CDIPT: variants seen among roughly 807,000 people sequenced by gnomAD.
The protein encoded by CDIPT is CDP-diacylglycerol--inositol 3-phosphatidyltransferase.
A neutral mutation model predicts 21.6 loss-of-function variants in CDIPT; 17 were observed. The ratio of observed to expected loss-of-function variants is 0.79; its 90% CI spans 0.54 to 1.18. The LOEUF (loss-of-function observed/expected upper bound fraction) is 1.18, where lower values mean the gene tolerates loss of function less well. Among genes scored for constraint, CDIPT ranks in the 50% most tolerant of loss-of-function variants. The probability of loss-of-function intolerance (pLI) is 0.00; values close to 1 mark genes in which losing one functional copy is unlikely to be tolerated. For missense variants in CDIPT, 254 were observed against 284.9 expected (o/e 0.89, Z 0.78); for synonymous variants, 119 against 117.9 (o/e 1.01, Z -0.06).
chr16:29,861,434 C>T, intron 2 of CDIPT, 175 bp from the exon 3 acceptor site: 1 of 1,539,720 alleles, frequency 6.5e-7, no homozygotes, highest in Non-Finnish European at 8.7e-7. Context: ...CAAAGGTCAC[C>T]ATGGCATGAA....
chr16:29,859,260 C>G lies in CDIPT; in HGVS notation c.571G>C (p.Val191Leu). The G allele has an allele frequency of 6.3e-7, 1 of 1,588,156 alleles. No individual in the cohort carries two copies. The change falls in exon 6 of 6, where the codon GTC becomes CTC. Residue 191 changes from valine to leucine, a missense_variant. Physicochemically the swap from Val to Leu is conservative, Grantham distance 32. Transcript: ENST00000219789. This position sits in a 1 kb window ranked among gnomAD's most constrained non-coding sequence, Gnocchi z 4.5. ...CGGGCGGCCGTGATCAGGTGGATGA[C>G]GCTGATGAGCGACTTCAGCAAGGCG... is the stretch of plus-strand genomic sequence containing the variant. Reference protein sequence around the residue: ...PIALLKSLISVIHLITAARNM... With the variant: ...PIALLKSLISLIHLITAARNM...
intron 4 of CDIPT, 21 bp downstream of exon 4, chr16:29,860,558 TGG>T: frequency 6.7e-7 from 1 of 1,494,186 alleles, no homozygotes; most frequent in East Asian, 2.3e-5. Flanking sequence ...GCCTGAGGGG[TGG>T]GGTGTGCAGG....
In CDIPT at chr16:29,862,951, G is replaced by T; in HGVS notation, c.-94C>A. The T allele has an allele frequency of 7.0e-7, 1 of 1,438,136 alleles. No individual in the cohort carries two copies. Among genetic ancestry groups the T allele is most frequent in the Non-Finnish European group, 9.8e-7 (1 of 1,024,474 alleles). The allele number at this position is 1,438,136 out of a possible 1,614,324, so 89.1% of individuals were successfully genotyped here. A position where few individuals can be genotyped will look rare whatever the true frequency, so the allele number is the denominator to read the frequency against. On this transcript the variant is annotated 5_prime_UTR_variant, in exon 1 of 6. Coordinates refer to ENST00000219789, the MANE Select transcript of CDIPT (RefSeq NM_006319.5). The surrounding 1 kb of genome is among the most constrained non-coding windows in gnomAD (Gnocchi z 6.7). ...GCCTCAGCCTCCGGCCCGGCGCATC[G>T]GCCGCACCACCTGCGCCCTGGACCC...
chr16:29,862,864 G>T lies in CDIPT; in HGVS notation c.-7C>A, dbSNP rs1463887415. The T allele has an allele frequency of 6.2e-7, 1 of 1,613,332 alleles. No homozygotes were observed. ...AGATATTTTCGTCTGGCATCGCGGC[G>T]CCTCCCTTGCTGCCCCGGGCCTGCT... is the stretch of plus-strand genomic sequence containing the variant. On this transcript the variant is annotated 5_prime_UTR_variant, in exon 1 of 6. Coordinates refer to ENST00000219789, the MANE Select transcript of CDIPT (RefSeq NM_006319.5). The surrounding 1 kb of genome is among the most constrained non-coding windows in gnomAD (Gnocchi z 6.7).
At chr16:29,861,997 C>T (rs1191438105) in intron 2 of CDIPT, among the ~76,000 whole-genome samples, 1 of 152,172 alleles carries the variant, frequency 6.6e-6, no homozygotes, top group Non-Finnish European at 1.5e-5. Flanking sequence ...TCCCAAAGTG[C>T]TGGGATTACA....
chr16:29,859,302 A>G lies in CDIPT; in HGVS notation c.529T>C (p.Trp177Arg). 1 of 1,571,824 alleles carries G rather than the reference A, an allele frequency of 6.4e-7. No homozygotes were observed. The highest frequency in any genetic ancestry group is 8.6e-7 in the Non-Finnish European group (1 of 1,158,206). ...AGCAAGGCGATGGGGGCAGTGACCC[A>G]GAGGCCCATCCGGAACAGTCCCACA... ...GSVGLFRMGL[W>R]VTAPIALLKS... The change falls in exon 6 of 6, where the codon TGG becomes CGG. Residue 177 changes from tryptophan to arginine, a missense_variant. By Grantham distance (101) the Trp-to-Arg change is moderately radical. Transcript: ENST00000219789. The surrounding 1 kb of genome is among the most constrained non-coding windows in gnomAD (Gnocchi z 4.5).
In CDIPT at chr16:29,859,433, A is replaced by C; in HGVS notation, c.496+9T>G. On this transcript the variant is annotated intron_variant, in intron 5 of 5. Coordinates refer to ENST00000219789, the MANE Select transcript of CDIPT (RefSeq NM_006319.5). The surrounding 1 kb of genome is among the most constrained non-coding windows in gnomAD (Gnocchi z 4.5). ...CTCCCATCCTCCTGCCCAGCCCCTC[A>C]TCTCCTACCTAAAGGTCCCTCAGAG... 6.2e-7 allele frequency: 1 copy of C among 1,610,720 alleles called. No homozygotes were observed. Among genetic ancestry groups the C allele is most frequent in the Non-Finnish European group, 8.5e-7 (1 of 1,177,606 alleles).
intron 2 of CDIPT, chr16:29,861,475 G>A (rs765833258): frequency 5.3e-5 from 82 of 1,536,226 alleles, no homozygotes; most frequent in Non-Finnish European, 6.8e-5. Context: ...GAGGGAACAG[G>A]GTAGGAGGAG....
In CDIPT at chr16:29,858,432, G is replaced by T. The variant is rs534275311; in HGVS notation, c.*757C>A. ...TTGGTCTTACTCTAGGGATAGAGAA[G>T]AGAACAAGAAAAGTCTGTGCCTTCA... On this transcript the variant is annotated 3_prime_UTR_variant, in exon 6 of 6. Coordinates refer to ENST00000219789, the MANE Select transcript of CDIPT (RefSeq NM_006319.5). The T allele has an allele frequency of 6.6e-6, 1 of 152,308 alleles. No homozygotes were observed. Among genetic ancestry groups the T allele is most frequent in the African/African-American group, 2.4e-5 (1 of 41,562 alleles). The allele number at this position is 152,308 out of a possible 1,614,324, so 9.4% of individuals were successfully genotyped here. A position where few individuals can be genotyped will look rare whatever the true frequency, so the allele number is the denominator to read the frequency against.
In CDIPT at chr16:29,862,051, G is replaced by A. The variant is rs757633599; in HGVS notation, c.178+535C>T. Reference sequence around the variant, plus strand: ...TGGCCTGAATGGACTTGTATTCAGAGAGACCTCCAGCAGCGCCACCGCCAT... The same window carrying A: ...TGGCCTGAATGGACTTGTATTCAGAAAGACCTCCAGCAGCGCCACCGCCAT... On this transcript the variant is annotated intron_variant, in intron 2 of 5. Coordinates refer to ENST00000219789, the MANE Select transcript of CDIPT (RefSeq NM_006319.5). This position sits in a 1 kb window ranked among gnomAD's most constrained non-coding sequence, Gnocchi z 6.7. 6.6e-6 allele frequency among the ~76,000 whole-genome samples: 1 copy of A among 152,136 alleles called. No homozygotes were observed. Among genetic ancestry groups the A allele is most frequent in the Non-Finnish European group, 1.5e-5 (1 of 68,034 alleles).
In CDIPT at chr16:29,861,228, C is replaced by T; in HGVS notation, c.210G>A (p.Leu70=). 1 of 1,614,206 alleles carries T rather than the reference C, an allele frequency of 6.2e-7. No individual in the cohort carries two copies. The highest frequency in any genetic ancestry group is 1.1e-5 in the South Asian group (1 of 91,086). ...GGCACATGGTGGAGCAGCGGTCCGT[C>T]AGCATGTCCAGCATGGCCCCAAACC... ...GTRFGAMLDM[L]TDRCSTMCLL... is the part of the protein sequence containing the mutation. The change falls in exon 3 of 6, where the codon CTG becomes CTA. Residue 70 remains leucine, a synonymous_variant. Coordinates refer to ENST00000219789, the MANE Select transcript of CDIPT (RefSeq NM_006319.5).
At chr16:29,860,188 C>T (rs1384030578) in intron 4 of CDIPT, among the ~76,000 whole-genome samples, 1 of 152,040 alleles carries the variant, frequency 6.6e-6, no homozygotes, top group African/African-American at 2.4e-5. Context: ...TGGCCTCAAG[C>T]AATCCTCCCA....
rs559602272 is a variant in CDIPT, at chr16:29,861,827, G to A, written c.179-568C>T. Reference sequence around the variant, plus strand: ...TGGCTCACTGCAACCTCCGCCTCCCGGGTTCAAGCAATTCTCCTGCCTTAG... The same window carrying A: ...TGGCTCACTGCAACCTCCGCCTCCCAGGTTCAAGCAATTCTCCTGCCTTAG... On this transcript the variant is annotated intron_variant, in intron 2 of 5. Coordinates refer to ENST00000219789, the MANE Select transcript of CDIPT (RefSeq NM_006319.5). The A allele has an allele frequency of 4.6e-5, 13 of 280,072 alleles. 1 individual carries two copies. Among genetic ancestry groups the A allele is most frequent in the South Asian group, 4.0e-4 (9 of 22,546 alleles). The allele number at this position is 280,072 out of a possible 1,614,324, so 17.3% of individuals were successfully genotyped here.
Position 29,859,239 on chromosome 16 carries a change from C to T in CDIPT, c.592G>A (p.Ala198Thr), listed in dbSNP as rs776591731. The stretch of plus-strand genomic sequence containing the variant: ...GCGTCCAGGGCAGCCATGTTGCGGG[C>T]GGCCGTGATCAGGTGGATGACGCTG... ...LISVIHLITA[A>T]RNMAALDAAD... The change falls in exon 6 of 6, where the codon GCC (alanine) becomes ACC (threonine). Residue 198 changes from alanine to threonine, a missense_variant. By Grantham distance (58) the Ala-to-Thr change is moderately conservative. Transcript: ENST00000219789. The surrounding 1 kb of genome is among the most constrained non-coding windows in gnomAD (Gnocchi z 4.5). The T allele has an allele frequency of 4.4e-6, 7 of 1,595,220 alleles. No individual in the cohort carries two copies. Among genetic ancestry groups the T allele is most frequent in the Middle Eastern group, 1.7e-4 (1 of 6,032 alleles).
rs1310101662 is a variant in CDIPT, at chr16:29,862,689, A to G, written c.75T>C (p.Ser25=). Residue 25 remains serine, a synonymous_variant, in exon 2 of 6, where the codon TCT becomes TCC. Coordinates refer to ENST00000219789, the MANE Select transcript of CDIPT (RefSeq NM_006319.5). This position sits in a 1 kb window ranked among gnomAD's most constrained non-coding sequence, Gnocchi z 6.7. Reference sequence around the variant, plus strand: ...GGGGGCAGCAGGGCATGAAGTAGAAAGAAATGATGGCGAAGACAATCCGGG... The same window carrying G: ...GGGGGCAGCAGGGCATGAAGTAGAAGGAAATGATGGCGAAGACAATCCGGG... The part of the protein sequence containing the change: ...GYARIVFAII[S]FYFMPCCPLT... 7 of 1,614,134 alleles carry G rather than the reference A, an allele frequency of 4.3e-6. No individual in the cohort carries two copies. In the East Asian group the frequency reaches 1.6e-4, roughly 36 times the overall value.
At chr16:29,860,984 G>A in intron 3 of CDIPT, 122 bp downstream of exon 3, 1 of 935,574 alleles carries the variant, frequency 1.1e-6, no homozygotes, top group Non-Finnish European at 1.6e-6. Context: ...TTTCTACAAA[G>A]CAGAGCTAAA....
rs2067690730 is a variant in CDIPT, at chr16:29,862,433, AACAAAAC to A, written c.178+146_178+152del. ...CGAGACCCTGTCTCAAAAACAAAAA[AACAAAAC>A]ACAAAACAAAAAGCCCCAGGCCATC... On this transcript the variant is annotated intron_variant, in intron 2 of 5. Transcript: ENST00000219789. The surrounding 1 kb of genome is among the most constrained non-coding windows in gnomAD (Gnocchi z 6.7). Among the ~76,000 whole-genome samples, 1 of 152,162 alleles carries A rather than the reference AACAAAAC, an allele frequency of 6.6e-6. No individual in the cohort carries two copies. The highest frequency in any genetic ancestry group is 1.5e-5 in the Non-Finnish European group (1 of 68,030).
chr16:29,859,429 CCT>C lies in CDIPT; in HGVS notation c.496+11_496+12del. ...CCCCCTCCCATCCTCCTGCCCAGCC[CCT>C]CATCTCCTACCTAAAGGTCCCTCAG... On this transcript the variant is annotated intron_variant, in intron 5 of 5. Coordinates refer to ENST00000219789, the MANE Select transcript of CDIPT (RefSeq NM_006319.5). The surrounding 1 kb of genome is among the most constrained non-coding windows in gnomAD (Gnocchi z 4.5). 2 of 1,610,446 alleles carry C rather than the reference CCT, an allele frequency of 1.2e-6. No individual in the cohort carries two copies. The highest frequency in any genetic ancestry group is 1.7e-6 in the Non-Finnish European group (2 of 1,177,458).
At position 29,859,244 on chromosome 16, in the gene CDIPT, G is replaced by A. The variant is rs373397053; in HGVS notation, c.587C>T (p.Thr196Met). The A allele has an allele frequency of 1.1e-5, 17 of 1,595,000 alleles. No individual in the cohort carries two copies. Among genetic ancestry groups the A allele is most frequent in the Middle Eastern group, 1.7e-4 (1 of 6,034 alleles). Residue 196 changes from threonine (T) to methionine (M), a missense_variant, in exon 6 of 6, where the codon ACG becomes ATG. Coordinates refer to ENST00000219789, the MANE Select transcript of CDIPT (RefSeq NM_006319.5). The surrounding 1 kb of genome is among the most constrained non-coding windows in gnomAD (Gnocchi z 4.5). ...KSLISVIHLI[T>M]AARNMAALDA... is the part of the protein sequence containing the mutation. ...CAGGGCAGCCATGTTGCGGGCGGCC[G>A]TGATCAGGTGGATGACGCTGATGAG...
Sources: gnomAD v4.1 joint callset for allele counts (sites outside exome capture counted in the v4.1 genomes callset) on GRCh38, gnomAD v4.1.1 for gene constraint, Gnocchi (gnomAD v3.1) non-coding constraint, MANE v1.5 for transcripts, NCBI Gene and HGNC (gene_info 2026-07-23, HGNC 2026-07-21) for gene names.